SCHIP1: variants seen among roughly 807,000 people sequenced by gnomAD.
SCHIP1 encodes the protein schwannomin-interacting protein 1.
A neutral mutation model predicts 29.7 loss-of-function variants in SCHIP1; 8 were observed. That is an observed-to-expected ratio of 0.27 (90% CI 0.16 to 0.49). SCHIP1 has a LOEUF of 0.49. Among genes scored for constraint, SCHIP1 ranks in the 20% least tolerant of loss-of-function variants. SCHIP1 has a pLI of 0.99. For synonymous variants in SCHIP1, 76 were observed against 94.9 expected (o/e 0.80, Z 1.16); for missense variants, 193 against 294.6 (o/e 0.66, Z 2.52).
At chr3:159,496,172 A>C in the SCHIP1 span, among the ~76,000 whole-genome samples, 1 of 152,216 alleles carries the variant, frequency 6.6e-6, no homozygotes, top group Non-Finnish European at 1.5e-5. Context: ...CCTAGGCAAT[A>C]CCATTCAGGA....
At chr3:159,691,139 A>C in the SCHIP1 span, among the ~76,000 whole-genome samples, 1 of 152,144 alleles carries the variant, frequency 6.6e-6, no homozygotes. Flanking sequence ...TCAAGTCCTG[A>C]ATATCCTTGT....
chr3:159,299,227 A>T, the SCHIP1 span, among the ~76,000 whole-genome samples: 1 of 152,204 alleles, frequency 6.6e-6, no homozygotes, highest in Admixed American at 6.5e-5. Flanking sequence ...TTGCTCTCTC[A>T]AAACTGTCAA....
chr3:159,732,715 G>A, the SCHIP1 span, among the ~76,000 whole-genome samples: 1 of 152,180 alleles, frequency 6.6e-6, no homozygotes, highest in Non-Finnish European at 1.5e-5. Flanking sequence ...ACAAATTATA[G>A]ATAAGACCGT....
chr3:159,626,119 TAGATAGATAGATAGATAGATATATCTAG>T, the SCHIP1 span, among the ~76,000 whole-genome samples: 3 of 121,196 alleles, frequency 2.5e-5, no homozygotes, highest in African/African-American at 1.7e-4. Context: ...GATAGATAGA[TAGATAGATAGATAGATAGATATATCTAG>T]ATATATATAT....
intron 1 of SCHIP1, among the ~76,000 whole-genome samples, chr3:159,862,208 T>C (rs1714134883): frequency 6.6e-6 from 1 of 152,230 alleles, no homozygotes; most frequent in African/African-American, 2.4e-5. Flanking sequence ...TAAGTCTTTG[T>C]GCCACATTTT....
At chr3:159,781,968 T>C in the SCHIP1 span, among the ~76,000 whole-genome samples, 1 of 152,252 alleles carries the variant, frequency 6.6e-6, no homozygotes, top group East Asian at 1.9e-4. Flanking sequence ...ATTGAATTTA[T>C]ATGTAGAATA....
At chr3:159,710,942 A>G in the SCHIP1 span, among the ~76,000 whole-genome samples, 2 of 152,176 alleles carry the variant, frequency 1.3e-5, no homozygotes, top group East Asian at 1.9e-4. Flanking sequence ...CTAACAGCCA[A>G]TGCAAAAAGC....
chr3:159,396,246 C>A, the SCHIP1 span, among the ~76,000 whole-genome samples: 1 of 151,464 alleles, frequency 6.6e-6, no homozygotes, highest in African/African-American at 2.4e-5. Context: ...CTGAATACAG[C>A]ACACTGATGG....
the SCHIP1 span, among the ~76,000 whole-genome samples, chr3:159,350,890 T>C: frequency 6.6e-6 from 1 of 152,092 alleles, no homozygotes; most frequent in African/African-American, 2.4e-5. Context: ...CTGGAATCTG[T>C]TGGGAAAAAA....
At chr3:159,620,655 C>A in the SCHIP1 span, among the ~76,000 whole-genome samples, 1 of 152,174 alleles carries the variant, frequency 6.6e-6, no homozygotes, top group Non-Finnish European at 1.5e-5. Context: ...GGAGGCAGAC[C>A]AGATGCTGTG....
chr3:159,409,368 T>C, the SCHIP1 span, among the ~76,000 whole-genome samples: 1 of 152,144 alleles, frequency 6.6e-6, no homozygotes, highest in South Asian at 2.1e-4. Context: ...GATTATATGA[T>C]TTCATATTTG....
the SCHIP1 span, among the ~76,000 whole-genome samples, chr3:159,462,076 G>T: frequency 6.6e-6 from 1 of 151,956 alleles, no homozygotes; most frequent in Non-Finnish European, 1.5e-5. Context: ...TGGGCATAGT[G>T]GTGCGCACCT....
At chr3:159,796,694 C>T in the SCHIP1 span, among the ~76,000 whole-genome samples, 261 of 146,312 alleles carry the variant, frequency 1.8e-3, 5 homozygotes, top group East Asian at 0.045. Flanking sequence ...GAACCATTGT[C>T]TTACAGCAAA....
the SCHIP1 span, among the ~76,000 whole-genome samples, chr3:159,494,313 G>T: frequency 6.6e-6 from 1 of 152,092 alleles, no homozygotes; most frequent in East Asian, 1.9e-4. Flanking sequence ...GTGAATCCAG[G>T]AGCTGGTTTT....
the SCHIP1 span, among the ~76,000 whole-genome samples, chr3:159,608,958 C>T: frequency 6.6e-6 from 1 of 152,168 alleles, no homozygotes; most frequent in Admixed American, 6.5e-5. Flanking sequence ...CTTGATTTTT[C>T]TACTTTTATT....
At chr3:159,373,597 C>T in the SCHIP1 span, among the ~76,000 whole-genome samples, 1 of 152,042 alleles carries the variant, frequency 6.6e-6, no homozygotes, top group Non-Finnish European at 1.5e-5. Flanking sequence ...TGGTAATCCC[C>T]ATTCTACTCT....
chr3:159,282,585 T>C, the SCHIP1 span: 1 of 151,092 alleles, frequency 6.6e-6, no homozygotes, highest in Non-Finnish European at 1.5e-5. Context: ...TCATTGAAAT[T>C]TTGGTGTATG....
chr3:159,715,147 C>G, the SCHIP1 span, among the ~76,000 whole-genome samples: 13 of 152,204 alleles, frequency 8.5e-5, 1 homozygote, highest in Non-Finnish European at 1.0e-4. Context: ...TGGAGTGGAC[C>G]TCCAGCAAAC....
the SCHIP1 span, among the ~76,000 whole-genome samples, chr3:159,471,166 A>G: frequency 6.6e-6 from 1 of 152,302 alleles, no homozygotes; most frequent in African/African-American, 2.4e-5. Context: ...TGAACCATTA[A>G]AAGTCCATCC....
Sources: allele counts gnomAD v4.1 joint callset (sites outside exome capture counted in the v4.1 genomes callset), GRCh38; gene constraint gnomAD v4.1.1; transcripts MANE v1.5; gene names NCBI Gene and HGNC (gene_info 2026-07-23, HGNC 2026-07-21).